CLCC1: variants seen among roughly 807,000 people sequenced by gnomAD.
The protein encoded by CLCC1 is chloride channel CLIC like 1, also known as chloride channel CLIC-like protein 1.
A neutral mutation model predicts 63.3 loss-of-function variants in CLCC1; 39 were observed. That is an observed-to-expected ratio of 0.62 (90% confidence interval 0.48 to 0.81). The LOEUF (loss-of-function observed/expected upper bound fraction) is 0.81, where lower values mean the gene tolerates loss of function less well. Among genes scored for constraint, CLCC1 ranks in the 30% least tolerant of loss-of-function variants. CLCC1 has a pLI of 0.00. For synonymous variants in CLCC1, 217 were observed against 239.8 expected (o/e 0.90, Z 0.88); for missense variants, 549 against 669.4 (o/e 0.82, Z 1.98).
chr1:108,961,389 A>C (rs1656619670), intron 2 of CLCC1, among the ~76,000 whole-genome samples: 1 of 151,952 alleles, frequency 6.6e-6, no homozygotes, highest in African/African-American at 2.4e-5. Context: ...CTTGAGTAGC[A>C]AAGTGTTAAT....
chr1:108,953,769 G>A (rs772623764), intron 2 of CLCC1, among the ~76,000 whole-genome samples: 7 of 152,214 alleles, frequency 4.6e-5, no homozygotes, highest in Non-Finnish European at 7.3e-5. Context: ...CCAGCACTTC[G>A]GGAGGCCGAG....
intron 5 of CLCC1, among the ~76,000 whole-genome samples, chr1:108,947,394 G>C (rs1283135958): frequency 6.6e-6 from 1 of 152,178 alleles, no homozygotes; most frequent in Admixed American, 6.5e-5. Flanking sequence ...ATACAAACTA[G>C]AGGAGAAAGA....
At position 108,934,643 on chromosome 1, in the gene CLCC1, G is replaced by A; in HGVS notation, c.*27C>T. 1.2e-6 allele frequency: 2 copies of A among 1,603,358 alleles called. No individual in the cohort carries two copies. The highest frequency in any genetic ancestry group is 1.3e-5 in the African/African-American group (1 of 74,774). On this transcript the variant is annotated 3_prime_UTR_variant, in exon 12 of 13. Transcript: ENST00000369969. ...ACTTTACAAAGCTCGAAGGAGACTT[G>A]AGGCTGTCGTTTGTGCTGGTGTTCC...
Position 108,943,852 on chromosome 1 carries a change from G to T in CLCC1, c.545C>A (p.Pro182Gln). Residue 182 changes from proline to glutamine, a missense_variant, in exon 6 of 13, where the codon CCA (proline) becomes CAA (glutamine). Coordinates refer to ENST00000369969, the MANE Select transcript of CLCC1 (RefSeq NM_001377458.1). ...WRFEDSFGVD[P>Q]YNVLMVLLCL... ...CCATCTTACCATTAACACATTATAT[G>T]GATCCACTCCAAAGGAATCTTCGAA... 1 of 1,612,212 alleles carries T rather than the reference G, an allele frequency of 6.2e-7. No individual in the cohort carries two copies. Among genetic ancestry groups the T allele is most frequent in the Admixed American group, 1.7e-5 (1 of 59,978 alleles).
intron 2 of CLCC1, among the ~76,000 whole-genome samples, chr1:108,962,096 G>A (rs942971668): frequency 6.6e-6 from 1 of 152,178 alleles, no homozygotes; most frequent in African/African-American, 2.4e-5. Context: ...TTCTCTGAGA[G>A]GATAGGGTCT....
intron 12 of CLCC1, chr1:108,932,875 T>C (rs557664898): frequency 2.0e-5 from 3 of 152,372 alleles, no homozygotes; most frequent in East Asian, 1.9e-4. Flanking sequence ...CTAAAGATGT[T>C]TGCAATATTA....
chr1:108,941,529 G>A (rs1320607036), intron 7 of CLCC1, 31 bp from the exon 8 acceptor site: 2 of 1,589,120 alleles, frequency 1.3e-6, no homozygotes, highest in Non-Finnish European at 1.7e-6. Flanking sequence ...ACCAGGAGAG[G>A]CCGTTACCTA....
At chr1:108,948,140 C>G (rs1654772884) in intron 4 of CLCC1, among the ~76,000 whole-genome samples, 1 of 152,154 alleles carries the variant, frequency 6.6e-6, no homozygotes, top group Non-Finnish European at 1.5e-5. Flanking sequence ...GACAGAGAAA[C>G]AGAAACAAGA....
At chr1:108,961,474 C>T (rs138263636) in intron 2 of CLCC1, among the ~76,000 whole-genome samples, 1 of 152,316 alleles carries the variant, frequency 6.6e-6, no homozygotes, top group South Asian at 2.1e-4. Flanking sequence ...GGGGACACTA[C>T]TCTTTCTCTC....
chr1:108,944,127 GA>G (rs1463643386), intron 5 of CLCC1, 70 bp from the exon 6 acceptor site: 2 of 1,115,692 alleles, frequency 1.8e-6, no homozygotes, highest in African/African-American at 3.2e-5. Context: ...ACCATTTTAA[GA>G]CAAAAGCCAA....
At chr1:108,953,922 A>G (rs1370405002) in intron 2 of CLCC1, among the ~76,000 whole-genome samples, 1 of 150,338 alleles carries the variant, frequency 6.7e-6, no homozygotes, top group Non-Finnish European at 1.5e-5. Context: ...AGGCAGGAGA[A>G]TAACTCGAAC....
At position 108,963,322 on chromosome 1, in the gene CLCC1, C is replaced by T. The variant is rs981173693; in HGVS notation, c.-173+39G>A. The T allele has an allele frequency of 3.1e-5, 21 of 687,240 alleles. No individual in the cohort carries two copies. The African/African-American group carries it at 3.5e-4, about 11-fold the overall frequency. 42.6% of individuals were successfully genotyped at this position (687,240 alleles called of 1,614,324 possible). A position where few individuals can be genotyped will look rare whatever the true frequency, so the allele number is the denominator to read the frequency against. ...CAGGGCGTAACGGCGGGTAACCCGC[C>T]CCACCCGCCGCACAACACACCCAAC... On this transcript the variant is annotated intron_variant, in intron 1 of 12. Transcript: ENST00000369969.
At chr1:108,961,093 T>C (rs1278768616) in intron 2 of CLCC1, among the ~76,000 whole-genome samples, 2 of 152,028 alleles carry the variant, frequency 1.3e-5, no homozygotes, top group Non-Finnish European at 2.9e-5. Context: ...TCTCCAGGGA[T>C]AGAGATTAGC....
At chr1:108,953,626 C>A (rs1655481126) in intron 2 of CLCC1, among the ~76,000 whole-genome samples, 1 of 152,168 alleles carries the variant, frequency 6.6e-6, no homozygotes, top group African/African-American at 2.4e-5. Context: ...GTGGTTGGCA[C>A]GTGAAAGACA....
At chr1:108,933,113 A>T (rs998718967) in intron 12 of CLCC1, 1 of 151,834 alleles carries the variant, frequency 6.6e-6, no homozygotes, top group Non-Finnish European at 1.5e-5. Flanking sequence ...AACCTTCCAA[A>T]GTGCTAGGAC....
chr1:108,962,286 G>A (rs1656756489), intron 2 of CLCC1, 23 bp downstream of exon 2: 2 of 152,340 alleles, frequency 1.3e-5, no homozygotes, highest in Admixed American at 1.3e-4. Context: ...AAGCACATGA[G>A]TAATGGGAAA....
intron 2 of CLCC1, among the ~76,000 whole-genome samples, chr1:108,957,952 A>G (rs1656122929): frequency 6.6e-6 from 1 of 151,396 alleles, no homozygotes; most frequent in African/African-American, 2.5e-5. Context: ...AAGAGGAGGA[A>G]CCAGCAAGAG....
In CLCC1 at chr1:108,934,819, A is replaced by G; in HGVS notation, c.1507T>C (p.Ser503Pro). The change falls in exon 12 of 13, where the codon TCA (serine) becomes CCA (proline). Residue 503 changes from serine (S) to proline (P), a missense_variant. By Grantham distance (74) the Ser-to-Pro change is moderately conservative. Coordinates refer to ENST00000369969, the MANE Select transcript of CLCC1 (RefSeq NM_001377458.1). ...GCGGGTGAACCTTCTGTATTCCCTG[A>G]TGTGTCTTGGCCAGAGACAGGCTTG... ...SAKPVSGQDT[S>P]GNTEGSPAAE... 1 of 1,614,044 alleles carries G rather than the reference A, an allele frequency of 6.2e-7. No homozygotes were observed. Among genetic ancestry groups the G allele is most frequent in the South Asian group, 1.1e-5 (1 of 91,060 alleles).
Position 108,943,986 on chromosome 1 carries a change from T to C in CLCC1, c.411A>G (p.Ile137Met). ...AGTCTTCTCCATTGAGAAACTTCTG[T>C]ATTTCTAACAAAGTTTCTCTTTTAA... ...IILKRETLLE[I>M]QKFLNGEDWK... Residue 137 changes from isoleucine to methionine, a missense_variant, in exon 6 of 13, where the codon ATA becomes ATG. Coordinates refer to ENST00000369969, the MANE Select transcript of CLCC1 (RefSeq NM_001377458.1). The C allele has an allele frequency of 6.2e-7, 1 of 1,613,680 alleles. No individual in the cohort carries two copies. The highest frequency in any genetic ancestry group is 8.5e-7 in the Non-Finnish European group (1 of 1,179,820).
Sources: allele counts gnomAD v4.1 joint callset (sites outside exome capture counted in the v4.1 genomes callset), GRCh38; gene constraint gnomAD v4.1.1; transcripts MANE v1.5; gene names NCBI Gene and HGNC (gene_info 2026-07-23, HGNC 2026-07-21).